Variants in SIDT1 observed in about 807,000 individuals in gnomAD.
SIDT1 encodes the protein SID1 transmembrane family, member 1.
Under a neutral mutation model 107.5 loss-of-function variants are expected in SIDT1, and 101 were observed. That is an observed-to-expected ratio of 0.94 (90% CI 0.80 to 1.11). The LOEUF is 1.11. SIDT1 is among the 50% of genes least tolerant of loss of function. The pLI is 0.00. For synonymous variants in SIDT1, 395 were observed against 398.2 expected (o/e 0.99, Z 0.10); for missense variants, 1,076 against 1,058.2 (o/e 1.02, Z -0.23).
Position 113,581,432 on chromosome 3 carries a change from C to T in SIDT1, c.735C>T (p.Ala245=). Reference sequence around the variant, plus strand: ...ATCAGTCCATGACCAAGAAAGCTGCCATCACGCTACAGGTGAGGCATTGCT... The same window carrying T: ...ATCAGTCCATGACCAAGAAAGCTGCTATCACGCTACAGGTGAGGCATTGCT... ...GVYQSMTKKA[A]ITLQKKDFPG... The change falls in exon 6 of 25, where the codon GCC becomes GCT. Residue 245 remains alanine, a synonymous_variant. Coordinates refer to ENST00000264852, the MANE Select transcript of SIDT1 (RefSeq NM_017699.3). 6.2e-7 allele frequency: 1 copy of T among 1,613,454 alleles called. No homozygotes were observed. The highest frequency in any genetic ancestry group is 1.1e-5 in the South Asian group (1 of 91,066).
At chr3:113,535,280 G>GTT (rs11288702) in intron 1 of SIDT1, among the ~76,000 whole-genome samples, 73 of 148,822 alleles carry the variant, frequency 4.9e-4, no homozygotes, top group African/African-American at 1.7e-3. Context: ...TTTTCAAAAT[G>GTT]TTTTTTTTTT....
At chr3:113,589,527 C>A (rs62265523) in intron 9 of SIDT1, among the ~76,000 whole-genome samples, 1 of 137,842 alleles carries the variant, frequency 7.3e-6, no homozygotes, top group Non-Finnish European at 1.6e-5. Flanking sequence ...TAACTTCTCT[C>A]CCTTTTTTTT....
At chr3:113,549,776 G>C (rs557174146) in intron 1 of SIDT1, among the ~76,000 whole-genome samples, 2 of 151,778 alleles carry the variant, frequency 1.3e-5, no homozygotes, top group Non-Finnish European at 2.9e-5. Flanking sequence ...TTTTTTCATG[G>C]ATCATGCTTT....
At chr3:113,587,108 G>T (rs139582645) in intron 9 of SIDT1, among the ~76,000 whole-genome samples, 9 of 151,946 alleles carry the variant, frequency 5.9e-5, no homozygotes, top group African/African-American at 1.7e-4. Flanking sequence ...AATTTTTTTT[G>T]AAATATTTAG....
chr3:113,546,608 T>C (rs185792269), intron 1 of SIDT1, among the ~76,000 whole-genome samples: 27 of 152,328 alleles, frequency 1.8e-4, no homozygotes, highest in African/African-American at 4.8e-4. Flanking sequence ...CCTTCTGAGA[T>C]ATTTTAAGCA....
At chr3:113,630,117 G>C (rs892038602), downstream of SIDT1, among the ~76,000 whole-genome samples, 1 of 152,132 alleles carries the variant, frequency 6.6e-6, no homozygotes, top group Non-Finnish European at 1.5e-5. Flanking sequence ...TCTTTAAAAG[G>C]GAAAGGAAGA....
chr3:113,611,996 T>G (rs1349803030), intron 18 of SIDT1, 90 bp from the exon 19 acceptor site: 9 of 897,782 alleles, frequency 1.0e-5, no homozygotes, highest in Non-Finnish European at 1.6e-5. Context: ...CAGCTGTTTT[T>G]GACTCCTTAC....
chr3:113,635,955 C>G, the SIDT1 span, among the ~76,000 whole-genome samples: 1 of 151,686 alleles, frequency 6.6e-6, no homozygotes, highest in East Asian at 1.9e-4. Context: ...ATCATATTTC[C>G]TCATTTAGGG....
At chr3:113,570,080 A>G (rs2107402156) in intron 3 of SIDT1, among the ~76,000 whole-genome samples, 2 of 152,008 alleles carry the variant, frequency 1.3e-5, no homozygotes, top group East Asian at 1.9e-4. Flanking sequence ...TAATTTTTGT[A>G]TTTTTAGTAG....
At chr3:113,615,689 C>G (rs1189127232) in intron 19 of SIDT1, among the ~76,000 whole-genome samples, 1 of 152,178 alleles carries the variant, frequency 6.6e-6, no homozygotes, top group African/African-American at 2.4e-5. Context: ...TCTTTACAAG[C>G]TAAGATTTCC....
chr3:113,627,231 T>C (rs1946919523), intron 24 of SIDT1, among the ~76,000 whole-genome samples: 1 of 152,196 alleles, frequency 6.6e-6, no homozygotes, highest in African/African-American at 2.4e-5. Context: ...ATCAAAATTT[T>C]TTACCTCCCC....
At chr3:113,625,985 G>A (rs1380265129) in intron 23 of SIDT1, 117 bp from the exon 24 acceptor site, 1 of 733,114 alleles carries the variant, frequency 1.4e-6, no homozygotes, top group Non-Finnish European at 2.5e-6. Flanking sequence ...TGTTTTCTTG[G>A]AAGCTAACTT....
intron 9 of SIDT1, among the ~76,000 whole-genome samples, chr3:113,588,129 G>A (rs1037491352): frequency 2.1e-4 from 32 of 152,034 alleles, no homozygotes; most frequent in African/African-American, 5.8e-4. Context: ...GTTATCAATC[G>A]CTCTAAAGTT....
chr3:113,594,128 T>A lies in SIDT1; in HGVS notation c.1045+1080T>A, dbSNP rs560193642. On this transcript the variant is annotated intron_variant, in intron 10 of 24. Transcript: ENST00000264852. ...AGGCCACAGAATCTTAGAAAGACTT[T>A]AACTCACCCCCTACCCCCCTCCAGC... Among the ~76,000 whole-genome samples, 3 of 152,324 alleles carry A rather than the reference T, an allele frequency of 2.0e-5. No homozygotes were observed. In the East Asian group the frequency reaches 5.8e-4, roughly 29 times the overall value.
At chr3:113,561,637 A>G (rs1307282610) in intron 1 of SIDT1, among the ~76,000 whole-genome samples, 1 of 152,210 alleles carries the variant, frequency 6.6e-6, no homozygotes, top group African/African-American at 2.4e-5. Context: ...TTTCTTTGGA[A>G]CTATCCTTCC....
At chr3:113,614,070 G>C (rs916193515) in intron 19 of SIDT1, among the ~76,000 whole-genome samples, 15 of 152,168 alleles carry the variant, frequency 9.9e-5, no homozygotes, top group African/African-American at 3.6e-4. Flanking sequence ...AAAAGGACAG[G>C]GAAGACATGG....
At chr3:113,573,227 C>T (rs1298172250) in intron 3 of SIDT1, among the ~76,000 whole-genome samples, 2 of 152,086 alleles carry the variant, frequency 1.3e-5, no homozygotes, top group African/African-American at 4.8e-5. Context: ...ACAGCACATT[C>T]CCTTTTATCA....
At chr3:113,578,920 C>G (rs1467783280) in intron 4 of SIDT1, among the ~76,000 whole-genome samples, 2 of 152,120 alleles carry the variant, frequency 1.3e-5, no homozygotes, top group African/African-American at 4.8e-5. Flanking sequence ...TTAGAACAAA[C>G]TAATAAAACA....
In SIDT1 at chr3:113,627,938, A is replaced by G; in HGVS notation, c.*230A>G. The stretch of plus-strand genomic sequence containing the variant: ...AGACGCAAACCTGAGGAGCTGAGAA[A>G]CACTTGCTCCTTCCATCTGCAGCTT... On this transcript the variant is annotated 3_prime_UTR_variant, in exon 25 of 25. Transcript: ENST00000264852. 2 of 550,986 alleles carry G rather than the reference A, an allele frequency of 3.6e-6. No individual in the cohort carries two copies. The highest frequency in any genetic ancestry group is 6.5e-6 in the Non-Finnish European group (2 of 307,540). 34.1% of individuals were successfully genotyped at this position (550,986 alleles called of 1,614,324 possible).
Sources: allele counts gnomAD v4.1 joint callset (sites outside exome capture counted in the v4.1 genomes callset), GRCh38; gene constraint gnomAD v4.1.1; transcripts MANE v1.5; gene names NCBI Gene and HGNC (gene_info 2026-07-23, HGNC 2026-07-21).